The following PPP3CC variants were observed in gnomAD, a reference collection of about 807,000 sequenced individuals.
The protein encoded by PPP3CC is serine/threonine-protein phosphatase 2B catalytic subunit gamma isoform.
Under a neutral mutation model 60.3 loss-of-function variants are expected in PPP3CC, and 35 were observed. That is an observed-to-expected ratio of 0.58 (90% CI 0.44 to 0.77). The LOEUF is 0.77. Among genes scored for constraint, PPP3CC ranks in the 30% least tolerant of loss-of-function variants. PPP3CC has a pLI of 0.00. For synonymous variants in PPP3CC, 206 were observed against 224.3 expected (o/e 0.92, Z 0.73); for missense variants, 570 against 628.9 (o/e 0.91, Z 1.00).
chr8:22,522,427 C>T, intron 6 of PPP3CC, 64 bp from the exon 7 acceptor site: 2 of 1,319,678 alleles, frequency 1.5e-6, no homozygotes, highest in Non-Finnish European at 2.1e-6. Flanking sequence ...TGACTTTTCC[C>T]CATCTTCCTA....
intron 1 of PPP3CC, among the ~76,000 whole-genome samples, chr8:22,463,766 CT>C (rs1429185913): frequency 1.3e-5 from 2 of 150,586 alleles, no homozygotes; most frequent in Non-Finnish European, 3.0e-5. Flanking sequence ...TTGTGGCAGT[CT>C]TTGTACTCGA....
At chr8:22,525,433 C>G (rs901282450) in intron 8 of PPP3CC, among the ~76,000 whole-genome samples, 1 of 150,992 alleles carries the variant, frequency 6.6e-6, no homozygotes, top group African/African-American at 2.4e-5. Flanking sequence ...TCTCTCTTTT[C>G]TTTTCTCTCT....
intron 1 of PPP3CC, among the ~76,000 whole-genome samples, chr8:22,453,690 T>C (rs2132434970): frequency 6.6e-6 from 1 of 152,330 alleles, no homozygotes; most frequent in East Asian, 1.9e-4. Context: ...CAAACGTAGA[T>C]GTTACACACC....
At chr8:22,452,319 C>A (rs768694336) in intron 1 of PPP3CC, among the ~76,000 whole-genome samples, 1 of 152,164 alleles carries the variant, frequency 6.6e-6, no homozygotes, top group Non-Finnish European at 1.5e-5. Context: ...CAGGCATGAG[C>A]CACTGTGCCT....
chr8:22,529,682 C>T (rs1469965290), intron 10 of PPP3CC, among the ~76,000 whole-genome samples: 2 of 152,012 alleles, frequency 1.3e-5, no homozygotes, highest in African/African-American at 2.4e-5. Flanking sequence ...TGGGGTTTCG[C>T]CATGTTGCCC....
Position 22,441,112 on chromosome 8 carries a change from G to A in PPP3CC, c.-298G>A. ...AGGGCCCGGGCCGCGAGCAGCCGCG[G>A]CCGTCCCGGTCGCCACCCTTAGCAG... On this transcript the variant is annotated 5_prime_UTR_variant, in exon 1 of 14. Transcript: ENST00000240139. 1 of 284,746 alleles carries A rather than the reference G, an allele frequency of 3.5e-6. No homozygotes were observed. The highest frequency in any genetic ancestry group is 6.5e-6 in the Non-Finnish European group (1 of 153,390). The allele number at this position is 284,746 out of a possible 1,614,324, so 17.6% of individuals were successfully genotyped here.
intron 1 of PPP3CC, among the ~76,000 whole-genome samples, chr8:22,466,379 A>G (rs1292156459): frequency 6.6e-6 from 1 of 152,128 alleles, no homozygotes; most frequent in African/African-American, 2.4e-5. Flanking sequence ...GTCAAATGGT[A>G]TTTCTAGTTC....
Position 22,511,215 on chromosome 8 carries a change from TAG to T in PPP3CC, c.616_617del (p.Asp206Ter). The T allele has an allele frequency of 1.2e-6, 2 of 1,612,870 alleles. No homozygotes were observed. The highest frequency in any genetic ancestry group is 1.7e-6 in the Non-Finnish European group (2 of 1,178,924). On this transcript the variant is annotated frameshift_variant, in exon 5 of 14. Coordinates refer to ENST00000240139, the MANE Select transcript of PPP3CC (RefSeq NM_005605.5). LOFTEE classifies it high-confidence loss of function. Reference sequence around the variant, plus strand: ...GGAATGTCACCTGAAATTACTTCTTTAGATGACATTAGGAAAGTAAGTAATCT... The same window carrying T: ...GGAATGTCACCTGAAATTACTTCTTTATGACATTAGGAAAGTAAGTAATCT...
rs912088170 is a variant in PPP3CC, at chr8:22,522,441, A to T, written c.771-50A>T. On this transcript the variant is annotated intron_variant, in intron 6 of 13. Coordinates refer to ENST00000240139, the MANE Select transcript of PPP3CC (RefSeq NM_005605.5). The stretch of plus-strand genomic sequence containing the variant: ...TTGACTTTTCCCCATCTTCCTATTA[A>T]AAAAAATTGTTTTAATTCTGGATTT... The T allele has an allele frequency of 1.4e-5, 20 of 1,459,154 alleles. No individual in the cohort carries two copies. The African/African-American group carries it at 2.8e-4, about 20-fold the overall frequency. 90.4% of individuals were successfully genotyped at this position (1,459,154 alleles called of 1,614,324 possible).
chr8:22,538,583 G>T (rs1420449186), intron 12 of PPP3CC, among the ~76,000 whole-genome samples: 3 of 152,110 alleles, frequency 2.0e-5, no homozygotes, highest in Non-Finnish European at 4.4e-5. Context: ...TTGGCAAATT[G>T]GTACTGGAGT....
chr8:22,464,411 G>A (rs1000401828), intron 1 of PPP3CC, among the ~76,000 whole-genome samples: 1 of 152,036 alleles, frequency 6.6e-6, no homozygotes, highest in Non-Finnish European at 1.5e-5. Context: ...ACAGGGTCTC[G>A]CTCAGCTGTC....
At chr8:22,502,486 A>T (rs1838790897) in intron 4 of PPP3CC, among the ~76,000 whole-genome samples, 1 of 152,108 alleles carries the variant, frequency 6.6e-6, no homozygotes, top group Non-Finnish European at 1.5e-5. Flanking sequence ...GGAGTTCGAG[A>T]CTAACATGGG....
chr8:22,486,584 A>G lies in PPP3CC; in HGVS notation c.372+10960A>G, dbSNP rs137912265. Among the ~76,000 whole-genome samples, 680 of 152,280 alleles carry G rather than the reference A, an allele frequency of 4.5e-3. 5 individuals are homozygous for G. The highest frequency in any genetic ancestry group is 0.015 in the African/African-American group (621 of 41,560). On this transcript the variant is annotated intron_variant, in intron 3 of 13. Coordinates refer to ENST00000240139, the MANE Select transcript of PPP3CC (RefSeq NM_005605.5). ...GTACTGTAGCAGCCATGCTGTGACT[A>G]TGAGGAGGTGACATGACTAAGGAGG...
intron 3 of PPP3CC, among the ~76,000 whole-genome samples, chr8:22,479,523 A>AT (rs1301486734): frequency 6.6e-6 from 1 of 152,054 alleles, no homozygotes; most frequent in Non-Finnish European, 1.5e-5. Context: ...AAATTAAAAC[A>AT]TTTTATCTGA....
chr8:22,512,843 G>A (rs1049767274), intron 5 of PPP3CC, among the ~76,000 whole-genome samples: 4 of 152,140 alleles, frequency 2.6e-5, no homozygotes, highest in East Asian at 1.9e-4. Context: ...TTGGGAGGCC[G>A]AGGAGGGCGG....
rs1836666530 is a variant in PPP3CC at position 22,441,444 on chromosome 8, A to C, written c.35A>C (p.Asp12Ala). Reference protein sequence around the residue: ...SGRRFHLSTTDRVIKAVPFPP... With the variant: ...SGRRFHLSTTARVIKAVPFPP... ...AGGCGCTTCCACCTCTCCACCACCG[A>C]CCGCGTCATCAAAGGTGCCTGGCGG... Residue 12 changes from aspartate (D) to alanine (A), a missense_variant, in exon 1 of 14, where the codon GAC becomes GCC. Asp to Ala is a moderately radical substitution (Grantham distance 126, BLOSUM62 -2). Coordinates refer to ENST00000240139, the MANE Select transcript of PPP3CC (RefSeq NM_005605.5). The C allele has an allele frequency of 1.3e-6, 2 of 1,546,162 alleles. No homozygotes were observed. Among genetic ancestry groups the C allele is most frequent in the Admixed American group, 2.0e-5 (1 of 50,654 alleles).
chr8:22,507,251 A>T (rs1838952935), intron 4 of PPP3CC, among the ~76,000 whole-genome samples: 1 of 152,168 alleles, frequency 6.6e-6, no homozygotes, highest in Admixed American at 6.5e-5. Context: ...TTTGTTGAAA[A>T]TTTTGTTTTG....
At chr8:22,531,123 C>G (rs747702659) in intron 10 of PPP3CC, among the ~76,000 whole-genome samples, 3 of 152,090 alleles carry the variant, frequency 2.0e-5, no homozygotes, top group Non-Finnish European at 4.4e-5. Flanking sequence ...AATAAATTTG[C>G]AATTTAATGT....
At chr8:22,518,719 C>G (rs1280364422) in intron 6 of PPP3CC, among the ~76,000 whole-genome samples, 1 of 152,126 alleles carries the variant, frequency 6.6e-6, no homozygotes. Context: ...TGGAGTCTCG[C>G]TCTGTCGCCC....
Sources: gnomAD v4.1 joint callset for allele counts (sites outside exome capture counted in the v4.1 genomes callset) on GRCh38, gnomAD v4.1.1 for gene constraint, MANE v1.5 for transcripts, NCBI Gene and HGNC (gene_info 2026-07-23, HGNC 2026-07-21) for gene names.